The following LRBA variants were observed in gnomAD, a reference collection of about 807,000 sequenced individuals.
LRBA encodes the protein LPS responsive beige-like anchor protein.
Under a neutral mutation model 330.0 loss-of-function variants are expected in LRBA, and 176 were observed. The ratio of observed to expected loss-of-function variants is 0.53; its 90% CI spans 0.47 to 0.60. The LOEUF (loss-of-function observed/expected upper bound fraction) is 0.60, where lower values mean the gene tolerates loss of function less well. Ranked by LOEUF, LRBA falls within the 20% of genes least tolerant of loss-of-function variation. The pLI, the probability that LRBA is intolerant of heterozygous loss-of-function variation, is 0.00. For missense variants in LRBA, 3,259 were observed against 3,444.8 expected (o/e 0.95, Z 1.35); for synonymous variants, 1,230 against 1,193.0 (o/e 1.03, Z -0.64).
In LRBA at chr4:150,576,164, T is replaced by TTA. The variant is rs1554058138; in HGVS notation, c.6330+11883_6330+11884insTA. 5.8e-3 allele frequency among the ~76,000 whole-genome samples: 833 copies of TTA among 142,844 alleles called. 3 individuals carry two copies. Among genetic ancestry groups the TTA allele is most frequent in the Middle Eastern group, 0.011 (3 of 278 alleles). The allele number at this position is 142,844 out of a possible 152,430, so 93.7% of individuals were successfully genotyped here. A position where few individuals can be genotyped will look rare whatever the true frequency, so the allele number is the denominator to read the frequency against. ...ACATTAATAAGTTCAAACTGGTTTT[T>TTA]AAAAAAAAAAAAAGGAGGAGGGGAG... On this transcript the variant is annotated intron_variant, in intron 40 of 56. Coordinates refer to ENST00000651943, the MANE Select transcript of LRBA (RefSeq NM_001364905.1).
At chr4:150,906,672 T>C (rs1731375258) in intron 11 of LRBA, among the ~76,000 whole-genome samples, 1 of 152,144 alleles carries the variant, frequency 6.6e-6, no homozygotes, top group Non-Finnish European at 1.5e-5. Flanking sequence ...GTTCATGATA[T>C]AGAGAAAAAT....
chr4:150,524,634 T>A (rs1212988757), intron 40 of LRBA, among the ~76,000 whole-genome samples: 1 of 152,134 alleles, frequency 6.6e-6, no homozygotes, highest in Non-Finnish European at 1.5e-5. Flanking sequence ...TGTAGGCATA[T>A]TTTTCACTGA....
In LRBA at chr4:150,819,205, A is replaced by G. The variant is rs556091883; in HGVS notation, c.5172-1948T>C. Among the ~76,000 whole-genome samples the G allele has an allele frequency of 2.1e-3, 312 of 151,414 alleles. 2 individuals are homozygous for G. The highest frequency in any genetic ancestry group is 7.4e-3 in the African/African-American group (304 of 41,356). On this transcript the variant is annotated intron_variant, in intron 30 of 56. Transcript: ENST00000651943. ...ACTTTATGGGTTTTTTTTTTTTAAC[A>G]TGCATGTCTAGAACAGACAAAACTA...
At chr4:150,298,519 TAGAC>T (rs751332760) in intron 53 of LRBA, among the ~76,000 whole-genome samples, 30 of 152,228 alleles carry the variant, frequency 2.0e-4, no homozygotes, top group East Asian at 9.6e-4. Flanking sequence ...AATGAAGTTT[TAGAC>T]AGAGAAAAAG....
chr4:150,401,166 G>A (rs1203345717), intron 47 of LRBA, among the ~76,000 whole-genome samples: 3 of 152,328 alleles, frequency 2.0e-5, no homozygotes, highest in Middle Eastern at 3.4e-3. Flanking sequence ...TCAGAAGCTC[G>A]GAGAGAGGCC....
chr4:150,651,882 G>A (rs1205292971), intron 37 of LRBA, among the ~76,000 whole-genome samples: 2 of 152,112 alleles, frequency 1.3e-5, no homozygotes, highest in Non-Finnish European at 2.9e-5. Context: ...GATTGATTTA[G>A]AGACAGGGTT....
intron 35 of LRBA, among the ~76,000 whole-genome samples, chr4:150,739,823 T>G (rs1761219165): frequency 6.6e-6 from 1 of 152,122 alleles, no homozygotes; most frequent in Non-Finnish European, 1.5e-5. Flanking sequence ...CAAAAGGAAG[T>G]GAATCCTGCC....
At chr4:150,439,535 G>A (rs1045344049) in intron 44 of LRBA, among the ~76,000 whole-genome samples, 3 of 152,038 alleles carry the variant, frequency 2.0e-5, no homozygotes, top group African/African-American at 4.8e-5. Flanking sequence ...GCTGTGCAAT[G>A]ACAATGATAC....
chr4:150,642,572 A>G, intron 37 of LRBA, among the ~76,000 whole-genome samples: 1 of 151,970 alleles, frequency 6.6e-6, no homozygotes, highest in Non-Finnish European at 1.5e-5. Context: ...AAATGGTGTA[A>G]TTAGATGAAG....
At chr4:150,603,575 C>T (rs1774331358) in intron 37 of LRBA, among the ~76,000 whole-genome samples, 2 of 152,066 alleles carry the variant, frequency 1.3e-5, no homozygotes, top group African/African-American at 4.8e-5. Flanking sequence ...CTCACTGCAG[C>T]CTCTAACTTT....
At chr4:150,845,716 A>G (rs1033827318) in intron 26 of LRBA, among the ~76,000 whole-genome samples, 4 of 152,234 alleles carry the variant, frequency 2.6e-5, no homozygotes, top group Non-Finnish European at 5.9e-5. Flanking sequence ...GAGAGCAATA[A>G]AAGTTGAAAG....
chr4:150,953,773 C>G (rs1169897210), intron 2 of LRBA, among the ~76,000 whole-genome samples: 1 of 151,888 alleles, frequency 6.6e-6, no homozygotes, highest in East Asian at 1.9e-4. Context: ...CAGCCTCTGC[C>G]CGGCCGCCAC....
chr4:150,437,530 A>G (rs576706208), intron 44 of LRBA, among the ~76,000 whole-genome samples: 34 of 150,104 alleles, frequency 2.3e-4, no homozygotes, highest in African/African-American at 8.3e-4. Flanking sequence ...TTATAAAATT[A>G]AAAATATCAC....
chr4:150,718,069 T>C (rs1728465432), intron 36 of LRBA, among the ~76,000 whole-genome samples: 1 of 152,192 alleles, frequency 6.6e-6, no homozygotes, highest in African/African-American at 2.4e-5. Context: ...AGGTATGATG[T>C]TTCTGCATGA....
At chr4:150,827,716 C>T (rs898360001) in intron 30 of LRBA, among the ~76,000 whole-genome samples, 4 of 151,798 alleles carry the variant, frequency 2.6e-5, no homozygotes, top group African/African-American at 9.7e-5. Flanking sequence ...ATTCTCCTGC[C>T]TCAGCCTCTG....
Position 150,906,374 on chromosome 4 carries a change from A to G in LRBA, c.1525T>C (p.Leu509=), listed in dbSNP as rs752743774. 1.9e-6 allele frequency: 3 copies of G among 1,611,336 alleles called. No individual in the cohort carries two copies. Among genetic ancestry groups the G allele is most frequent in the South Asian group, 2.2e-5 (2 of 90,742 alleles). ...STLLAFIMEL[L]KNSIAMQEQM... is the part of the protein sequence containing the mutation. Reference sequence around the variant, plus strand: ...TCCTGCATAGCAATTGAGTTCTTCAACAATTCCATGATAAAGGCCAGCAAG... The same window carrying G: ...TCCTGCATAGCAATTGAGTTCTTCAGCAATTCCATGATAAAGGCCAGCAAG... The change falls in exon 12 of 57, where the codon TTG becomes CTG. Residue 509 remains leucine, a synonymous_variant. Coordinates refer to ENST00000651943, the MANE Select transcript of LRBA (RefSeq NM_001364905.1).
At chr4:150,688,176 C>T (rs1217014416) in intron 36 of LRBA, among the ~76,000 whole-genome samples, 2 of 152,138 alleles carry the variant, frequency 1.3e-5, no homozygotes, top group South Asian at 2.1e-4. Flanking sequence ...TCATCTTTGA[C>T]AAATCTGACA....
intron 2 of LRBA, among the ~76,000 whole-genome samples, chr4:150,931,652 T>TA (rs1734518419): frequency 6.7e-6 from 1 of 149,458 alleles, no homozygotes; most frequent in South Asian, 2.1e-4. Context: ...CATGCAGCCC[T>TA]AGTACTCAGG....
In LRBA at chr4:150,905,944, G is replaced by A. The variant is rs781408716; in HGVS notation, c.1649C>T (p.Ala550Val). The A allele has an allele frequency of 6.2e-7, 1 of 1,613,630 alleles. No homozygotes were observed. Among genetic ancestry groups the A allele is most frequent in the Admixed American group, 1.7e-5 (1 of 59,990 alleles). ...CAGATTACTCAGATATTTTGAAAAT[G>A]CAAGGCAAAGTTCAAGTACTGCTCT... ...VSRAVLELCL[A>V]FSKYLSNLQN... Residue 550 changes from alanine (A) to valine (V), a missense_variant, in exon 13 of 57, where the codon GCA becomes GTA. Transcript: ENST00000651943.
Sources: gnomAD v4.1 joint callset for allele counts (sites outside exome capture counted in the v4.1 genomes callset) on GRCh38, gnomAD v4.1.1 for gene constraint, MANE v1.5 for transcripts, NCBI Gene and HGNC (gene_info 2026-07-23, HGNC 2026-07-21) for gene names.